ASAP1: variants seen among roughly 807,000 people sequenced by gnomAD.
ASAP1 encodes ArfGAP with SH3 domain, ankyrin repeat and PH domain 1.
A neutral mutation model predicts 145.2 loss-of-function variants in ASAP1; 43 were observed. The observed-to-expected ratio is 0.30, with a 90% confidence interval of 0.23 to 0.38. The LOEUF (loss-of-function observed/expected upper bound fraction) is 0.38. Among genes scored for constraint, ASAP1 ranks in the 10% least tolerant of loss-of-function variants. The pLI, the probability that ASAP1 is intolerant of heterozygous loss-of-function variation, is 1.00. For missense variants in ASAP1, 1,018 were observed against 1,355.3 expected (o/e 0.75, Z 3.91); for synonymous variants, 546 against 515.5 (o/e 1.06, Z -0.80).
chr8:130,094,716 T>A (rs1474325932), intron 24 of ASAP1, among the ~76,000 whole-genome samples: 1 of 152,194 alleles, frequency 6.6e-6, no homozygotes, highest in Non-Finnish European at 1.5e-5. Flanking sequence ...CATCAAATGA[T>A]GCTGCTGGTT....
At chr8:130,064,892 AATGTGTGTGT>A (rs2097427237) in intron 27 of ASAP1, among the ~76,000 whole-genome samples, 1 of 105,938 alleles carries the variant, frequency 9.4e-6, no homozygotes, top group Non-Finnish European at 1.9e-5. Context: ...GTTTACTAAG[AATGTGTGTGT>A]GTGTGTGTGT....
chr8:130,366,399 A>G (rs940232924), intron 2 of ASAP1, among the ~76,000 whole-genome samples: 2 of 152,192 alleles, frequency 1.3e-5, no homozygotes, highest in African/African-American at 4.8e-5. Flanking sequence ...CAGCACATGC[A>G]GAGTGTAGGT....
chr8:130,374,086 T>C (rs1054425126), intron 2 of ASAP1, among the ~76,000 whole-genome samples: 1 of 142,728 alleles, frequency 7.0e-6, no homozygotes, highest in Non-Finnish European at 1.5e-5. Context: ...GCACAGAACT[T>C]AGAAGTCAAA....
intron 14 of ASAP1, 135 bp downstream of exon 14, chr8:130,136,816 G>C (rs537044844): frequency 4.1e-6 from 3 of 740,598 alleles, no homozygotes; most frequent in African/African-American, 3.5e-5. Flanking sequence ...TCTTCCTAGA[G>C]CAGCACATGC....
intron 1 of ASAP1, among the ~76,000 whole-genome samples, chr8:130,434,974 G>A (rs996229339): frequency 6.6e-6 from 1 of 152,208 alleles, no homozygotes; most frequent in Non-Finnish European, 1.5e-5. Flanking sequence ...TACAGGGCGA[G>A]GTGAAGGAAG....
chr8:130,125,246 G>C (rs2097573161), intron 17 of ASAP1, among the ~76,000 whole-genome samples: 1 of 151,948 alleles, frequency 6.6e-6, no homozygotes, highest in Non-Finnish European at 1.5e-5. Context: ...GCAAAATGGG[G>C]CATTTGTCCA....
chr8:130,181,266 T>C (rs187429824), intron 7 of ASAP1, among the ~76,000 whole-genome samples: 18 of 152,360 alleles, frequency 1.2e-4, no homozygotes, highest in Non-Finnish European at 2.1e-4. Flanking sequence ...GTATGGATTT[T>C]CATATGGGAA....
intron 1 of ASAP1, among the ~76,000 whole-genome samples, chr8:130,437,341 A>G (rs1830347754): frequency 6.6e-6 from 1 of 152,166 alleles, no homozygotes; most frequent in African/African-American, 2.4e-5. Flanking sequence ...GAGCAAACAC[A>G]TTTCCCTGCA....
chr8:130,360,197 G>A (rs1236824737), intron 2 of ASAP1, among the ~76,000 whole-genome samples: 8 of 152,350 alleles, frequency 5.3e-5, no homozygotes, highest in South Asian at 2.1e-4. Context: ...TAAATATAAA[G>A]TAAGAAAGTG....
chr8:130,127,557 G>A (rs1006582703), intron 16 of ASAP1, among the ~76,000 whole-genome samples: 3 of 152,238 alleles, frequency 2.0e-5, no homozygotes, highest in Admixed American at 6.5e-5. Flanking sequence ...AGTAAACTAC[G>A]AATCAGAATA....
intron 13 of ASAP1, among the ~76,000 whole-genome samples, chr8:130,149,580 T>C (rs1265770635): frequency 1.3e-5 from 2 of 152,112 alleles, no homozygotes; most frequent in East Asian, 3.9e-4. Context: ...TGAATCACTT[T>C]GATAAGAACA....
At chr8:130,133,131 C>T (rs977969568) in intron 15 of ASAP1, among the ~76,000 whole-genome samples, 1 of 151,428 alleles carries the variant, frequency 6.6e-6, no homozygotes, top group African/African-American at 2.4e-5. Flanking sequence ...CAAATTACCC[C>T]AAGTACTCAT....
intron 24 of ASAP1, among the ~76,000 whole-genome samples, chr8:130,093,666 CAAAAAAAAA>C (rs71572317): frequency 5.7e-5 from 3 of 52,210 alleles, no homozygotes; most frequent in East Asian, 7.8e-4. Context: ...GACTCCGTCT[CAAAAAAAAA>C]AAAAAAAAAA....
At chr8:130,056,996 G>C (rs1039409832) in intron 29 of ASAP1, among the ~76,000 whole-genome samples, 1 of 152,182 alleles carries the variant, frequency 6.6e-6, no homozygotes, top group African/African-American at 2.4e-5. Context: ...GGGCCTATGA[G>C]GATGCTGATG....
At chr8:130,234,802 A>G (rs1818115822) in intron 4 of ASAP1, among the ~76,000 whole-genome samples, 2 of 152,200 alleles carry the variant, frequency 1.3e-5, no homozygotes, top group South Asian at 4.1e-4. Context: ...AACCATCATC[A>G]CATTACAGAG....
chr8:130,060,230 T>C (rs2135051010), intron 28 of ASAP1, among the ~76,000 whole-genome samples: 1 of 152,244 alleles, frequency 6.6e-6, no homozygotes, highest in South Asian at 2.1e-4. Context: ...GTGGTCTAGG[T>C]GCCAGCCAAG....
At chr8:130,376,725 A>AAAATAAAT (rs1187635921) in intron 2 of ASAP1, among the ~76,000 whole-genome samples, 3 of 151,776 alleles carry the variant, frequency 2.0e-5, no homozygotes, top group African/African-American at 7.3e-5. Context: ...ACTCTGTCTC[A>AAAATAAAT]AAATAAATAA....
intron 2 of ASAP1, among the ~76,000 whole-genome samples, chr8:130,382,476 G>C: frequency 6.6e-6 from 1 of 152,204 alleles, no homozygotes; most frequent in Non-Finnish European, 1.5e-5. Context: ...AGGAGAAGCA[G>C]AACAGGGAGG....
intron 3 of ASAP1, among the ~76,000 whole-genome samples, chr8:130,307,789 T>C (rs1177367006): frequency 6.6e-6 from 1 of 152,138 alleles, no homozygotes; most frequent in Non-Finnish European, 1.5e-5. Flanking sequence ...TAGTCCAAAG[T>C]CACAAAGGAG....
Sources: gnomAD v4.1 joint callset for allele counts (sites outside exome capture counted in the v4.1 genomes callset) on GRCh38, gnomAD v4.1.1 for gene constraint, MANE v1.5 for transcripts, NCBI Gene and HGNC (gene_info 2026-07-23, HGNC 2026-07-21) for gene names.